PITPNC1: variants seen among roughly 807,000 people sequenced by gnomAD.
The protein encoded by PITPNC1 is cytoplasmic phosphatidylinositol transfer protein 1.
In PITPNC1, 18 loss-of-function variants were observed where a neutral mutation model predicts 44.7. The observed-to-expected ratio is 0.40, with a 90% CI of 0.28 to 0.60. PITPNC1 has a LOEUF of 0.60. Among genes scored for constraint, PITPNC1 ranks in the 20% least tolerant of loss-of-function variants. PITPNC1 has a pLI of 0.39. For synonymous variants in PITPNC1, 141 were observed against 149.6 expected, an observed-to-expected ratio of 0.94 and a Z score of 0.42; for missense variants, 290 against 418.4, an observed-to-expected ratio of 0.69 and a Z score of 2.68.
At chr17:67,629,701 T>C (rs1193001563) in intron 5 of PITPNC1, among the ~76,000 whole-genome samples, 1 of 152,230 alleles carries the variant, frequency 6.6e-6, no homozygotes, top group Non-Finnish European at 1.5e-5. Flanking sequence ...CCCAGTATTT[T>C]ATTTCACAAC....
intron 5 of PITPNC1, among the ~76,000 whole-genome samples, chr17:67,625,151 A>C (rs2041880956): frequency 6.6e-6 from 1 of 152,106 alleles, no homozygotes; most frequent in African/African-American, 2.4e-5. Flanking sequence ...AGTAGAAGGG[A>C]AAGAGGATAA....
chr17:67,480,608 G>A (rs945528441), intron 1 of PITPNC1, among the ~76,000 whole-genome samples: 6 of 152,004 alleles, frequency 3.9e-5, no homozygotes, highest in Admixed American at 6.6e-5. Context: ...TCTATAAACC[G>A]ATATGGCTTA....
At chr17:67,647,288 C>G (rs1278750996) in intron 6 of PITPNC1, among the ~76,000 whole-genome samples, 1 of 151,770 alleles carries the variant, frequency 6.6e-6, no homozygotes, top group East Asian at 1.9e-4. Flanking sequence ...GAATAGAAAC[C>G]TTTTATTATT....
intron 1 of PITPNC1, among the ~76,000 whole-genome samples, chr17:67,527,192 C>G (rs2040401322): frequency 6.8e-6 from 1 of 146,974 alleles, no homozygotes; most frequent in Admixed American, 7.0e-5. Context: ...CCTCCCTCCC[C>G]TCTTTTTAAA....
intron 5 of PITPNC1, among the ~76,000 whole-genome samples, chr17:67,599,059 T>C (rs1164597362): frequency 7.6e-6 from 1 of 131,800 alleles, no homozygotes; most frequent in African/African-American, 2.8e-5. Flanking sequence ...TTTTTTACCA[T>C]GTTGGCCAGG....
intron 1 of PITPNC1, among the ~76,000 whole-genome samples, chr17:67,429,274 G>T (rs1337549124): frequency 6.6e-6 from 1 of 152,206 alleles, no homozygotes; most frequent in African/African-American, 2.4e-5. Flanking sequence ...AACCACTGAT[G>T]GGTAAATTGA....
Position 67,474,074 on chromosome 17 carries a change from G to C in PITPNC1, c.49-58728G>C, listed in dbSNP as rs558176100. Reference sequence around the variant, plus strand: ...CTACTTTAAGTTAACCTAACTGTGAGCCAGGTAGCAGGAGGTGTGGGGAGG... The same window carrying C: ...CTACTTTAAGTTAACCTAACTGTGACCCAGGTAGCAGGAGGTGTGGGGAGG... On this transcript the variant is annotated intron_variant, in intron 1 of 8. Transcript: ENST00000581322. Among the ~76,000 whole-genome samples the C allele has an allele frequency of 1.1e-3, 162 of 152,318 alleles. 1 individual carries two copies. Among genetic ancestry groups the C allele is most frequent in the Non-Finnish European group, 2.1e-3 (140 of 68,034 alleles).
chr17:67,398,614 A>G (rs1191212966), intron 1 of PITPNC1, among the ~76,000 whole-genome samples: 2 of 152,070 alleles, frequency 1.3e-5, no homozygotes, highest in Non-Finnish European at 2.9e-5. Context: ...TCTCAGCTGT[A>G]ATGGTTTCCC....
chr17:67,558,443 A>C (rs560688662), intron 4 of PITPNC1, among the ~76,000 whole-genome samples: 1 of 151,750 alleles, frequency 6.6e-6, no homozygotes, highest in East Asian at 1.9e-4. Context: ...CTTCCAAAGG[A>C]GTTGATTTTG....
intron 1 of PITPNC1, among the ~76,000 whole-genome samples, chr17:67,431,031 C>A (rs557226670): frequency 6.9e-6 from 1 of 144,424 alleles, no homozygotes; most frequent in East Asian, 2.0e-4. Context: ...TGAACTATTT[C>A]TTTAATTTTT....
At chr17:67,624,525 G>GT (rs71354085) in intron 5 of PITPNC1, among the ~76,000 whole-genome samples, 10 of 151,552 alleles carry the variant, frequency 6.6e-5, no homozygotes, top group South Asian at 2.1e-4. Context: ...TTTCTGTTTT[G>GT]TTTTTTTGTT....
chr17:67,626,174 C>T (rs943648414), intron 5 of PITPNC1, among the ~76,000 whole-genome samples: 3 of 151,786 alleles, frequency 2.0e-5, no homozygotes, highest in Non-Finnish European at 4.4e-5. Flanking sequence ...TTTATAGAGA[C>T]AGGGTCTTGC....
At chr17:67,659,418 C>A (rs2042311827) in intron 6 of PITPNC1, among the ~76,000 whole-genome samples, 1 of 152,164 alleles carries the variant, frequency 6.6e-6, no homozygotes, top group Admixed American at 6.5e-5. Context: ...GCCACATGGT[C>A]TCACCACATG....
At chr17:67,655,506 G>A (rs1009031861) in intron 6 of PITPNC1, among the ~76,000 whole-genome samples, 2 of 143,656 alleles carry the variant, frequency 1.4e-5, no homozygotes, top group African/African-American at 5.2e-5. Context: ...CTTGTAGTGA[G>A]CTGAGGTCGC....
At chr17:67,389,660 T>A (rs2038107313) in intron 1 of PITPNC1, among the ~76,000 whole-genome samples, 1 of 151,332 alleles carries the variant, frequency 6.6e-6, no homozygotes, top group Admixed American at 6.6e-5. Flanking sequence ...AGTAAAGCTG[T>A]TTTTTGTTTT....
chr17:67,564,105 ATAGAT>A (rs989859654), intron 4 of PITPNC1, among the ~76,000 whole-genome samples: 5 of 152,168 alleles, frequency 3.3e-5, no homozygotes, highest in African/African-American at 1.2e-4. Flanking sequence ...AGATAGATGG[ATAGAT>A]TAGATAGGTA....
At chr17:67,466,192 T>TGGGGTGGG (rs1555654126) in intron 1 of PITPNC1, among the ~76,000 whole-genome samples, 1 of 2,510 alleles carries the variant, frequency 4.0e-4, no homozygotes, top group African/African-American at 2.0e-3. Flanking sequence ...GTAGAGATGG[T>TGGGGTGGG]GGGGTGGGGG....
chr17:67,529,502 C>A (rs986464633), intron 1 of PITPNC1, among the ~76,000 whole-genome samples: 3 of 152,186 alleles, frequency 2.0e-5, no homozygotes, highest in Non-Finnish European at 2.9e-5. Context: ...TTAAAGGGAA[C>A]AATCAGTGGC....
chr17:67,448,580 C>T (rs541411073), intron 1 of PITPNC1, among the ~76,000 whole-genome samples: 19 of 152,242 alleles, frequency 1.2e-4, no homozygotes, highest in Middle Eastern at 3.4e-3. Flanking sequence ...TCCGTTTCTC[C>T]GCTCCACTGG....
Sources: allele counts gnomAD v4.1 joint callset (sites outside exome capture counted in the v4.1 genomes callset), GRCh38; gene constraint gnomAD v4.1.1; transcripts MANE v1.5; gene names NCBI Gene and HGNC (gene_info 2026-07-23, HGNC 2026-07-21).